ARHGEF37: variants seen among roughly 807,000 people sequenced by gnomAD.
ARHGEF37 encodes the protein Rho guanine nucleotide exchange factor (GEF) 37.
In ARHGEF37, 55 loss-of-function variants were observed where a neutral mutation model predicts 71.1. That is an observed-to-expected ratio of 0.77 (90% confidence interval 0.62 to 0.97). The LOEUF (loss-of-function observed/expected upper bound fraction) is 0.97, where lower values mean the gene tolerates loss of function less well. ARHGEF37 is among the 50% of genes least tolerant of loss of function. The pLI is 0.00. For synonymous variants in ARHGEF37, 327 were observed against 350.6 expected, an observed-to-expected ratio of 0.93 and a Z score of 0.75; for missense variants, 765 against 836.8, an observed-to-expected ratio of 0.91 and a Z score of 1.06.
chr5:149,627,957 A>G lies in ARHGEF37; in HGVS notation c.1660+686A>G, dbSNP rs530013066. Among the ~76,000 whole-genome samples the G allele has an allele frequency of 5.3e-5, 8 of 152,358 alleles. No homozygotes were observed. In the East Asian group the frequency reaches 1.5e-3, roughly 29 times the overall value. On this transcript the variant is annotated intron_variant, in intron 11 of 12. Transcript: ENST00000333677. Reference sequence around the variant, plus strand: ...AGCATTTTAATGTGTATTAGAAAAAATATAAGTAGTCCATAATTCCATGAT... The same window carrying G: ...AGCATTTTAATGTGTATTAGAAAAAGTATAAGTAGTCCATAATTCCATGAT...
At chr5:149,593,468 T>A (rs906710693) in intron 1 of ARHGEF37, among the ~76,000 whole-genome samples, 45 of 152,242 alleles carry the variant, frequency 3.0e-4, no homozygotes, top group Non-Finnish European at 1.6e-4. Flanking sequence ...ATAATGTTTT[T>A]AAGATTCATT....
intron 3 of ARHGEF37, among the ~76,000 whole-genome samples, chr5:149,609,256 A>G (rs546481827): frequency 6.6e-6 from 1 of 152,336 alleles, no homozygotes; most frequent in East Asian, 1.9e-4. Context: ...CACTGTCCAA[A>G]TGTGAGCATT....
At chr5:149,590,184 CAGAAG>C (rs144564105) in intron 1 of ARHGEF37, among the ~76,000 whole-genome samples, 40,276 of 151,668 alleles carry the variant, frequency 0.27, 5,990 homozygotes, top group Admixed American at 0.42. Context: ...CCAGTGTGAA[CAGAAG>C]AGAAGAGAGA....
intron 1 of ARHGEF37, among the ~76,000 whole-genome samples, chr5:149,564,738 C>T (rs560283816): frequency 2.6e-5 from 4 of 152,212 alleles, no homozygotes; most frequent in South Asian, 2.1e-4. Context: ...GCAGGAGAAT[C>T]GCCTGAACCC....
At chr5:149,608,730 C>T (rs1763986902) in intron 3 of ARHGEF37, among the ~76,000 whole-genome samples, 1 of 152,092 alleles carries the variant, frequency 6.6e-6, no homozygotes, top group Non-Finnish European at 1.5e-5. Context: ...AGGAGTGAAA[C>T]ACTTGCCTCA....
chr5:149,593,351 A>G (rs1051888840), intron 1 of ARHGEF37, among the ~76,000 whole-genome samples: 9 of 152,240 alleles, frequency 5.9e-5, no homozygotes, highest in African/African-American at 9.6e-5. Flanking sequence ...GGCAATTGCC[A>G]ATCTTTCTGT....
intron 3 of ARHGEF37, among the ~76,000 whole-genome samples, chr5:149,603,738 T>C (rs1763827346): frequency 6.6e-6 from 1 of 151,968 alleles, no homozygotes; most frequent in Non-Finnish European, 1.5e-5. Context: ...GAGTTCGAGA[T>C]CACCCAGGCC....
At chr5:149,623,954 C>A in intron 9 of ARHGEF37, 58 bp from the exon 10 acceptor site, 1 of 1,535,612 alleles carries the variant, frequency 6.5e-7, no homozygotes, top group Non-Finnish European at 8.8e-7. Context: ...CAAAGCAAGC[C>A]AGGGATCTCA....
chr5:149,589,267 A>G (rs1234167997), intron 1 of ARHGEF37, among the ~76,000 whole-genome samples: 1 of 151,966 alleles, frequency 6.6e-6, no homozygotes, highest in Non-Finnish European at 1.5e-5. Flanking sequence ...AATAATCAGG[A>G]TGCCCATATC....
chr5:149,620,796 A>G (rs1752519249), intron 8 of ARHGEF37, among the ~76,000 whole-genome samples: 2 of 147,388 alleles, frequency 1.4e-5, no homozygotes, highest in Admixed American at 1.4e-4. Context: ...ATGCCACCGC[A>G]CTCCAGCCCG....
intron 4 of ARHGEF37, among the ~76,000 whole-genome samples, chr5:149,610,194 A>G (rs767194379): frequency 1.3e-5 from 2 of 152,234 alleles, no homozygotes; most frequent in Non-Finnish European, 2.9e-5. Flanking sequence ...GTTTGGGAAC[A>G]GTGCTCATGA....
intron 1 of ARHGEF37, among the ~76,000 whole-genome samples, chr5:149,571,923 AAAAG>A (rs1249935724): frequency 2.4e-4 from 37 of 151,094 alleles, no homozygotes; most frequent in African/African-American, 7.3e-4. Flanking sequence ...AAAAAAAAAA[AAAAG>A]AAGTTGACAA....
rs749040354 is a variant in ARHGEF37, at chr5:149,620,374, G to A, written c.915G>A (p.Pro305=). The A allele has an allele frequency of 9.9e-6, 16 of 1,610,928 alleles. No individual in the cohort carries two copies. In the East Asian group the frequency reaches 1.6e-4, roughly 16 times the overall value. ...DNLQAFLYFR[P]HEYNLDIPEG... ...TCCAGGCTTTCCTCTACTTCAGGCC[G>A]CACGAATACAATCTGGACATCCCCG... The change falls in exon 8 of 13, where the codon CCG becomes CCA. Residue 305 remains proline, a synonymous_variant. Coordinates refer to ENST00000333677, the MANE Select transcript of ARHGEF37 (RefSeq NM_001001669.3).
chr5:149,561,582 A>G (rs77616515), intron 1 of ARHGEF37, among the ~76,000 whole-genome samples: 2,315 of 152,340 alleles, frequency 0.015, 45 homozygotes, highest in East Asian at 0.043. Flanking sequence ...CAAGTCATCA[A>G]TGTTCCATCT....
At chr5:149,588,350 G>A (rs2113280381) in intron 1 of ARHGEF37, among the ~76,000 whole-genome samples, 1 of 152,232 alleles carries the variant, frequency 6.6e-6, no homozygotes, top group East Asian at 1.9e-4. Context: ...AGGCTGGAGT[G>A]CAGTGGCATG....
At chr5:149,564,575 A>G (rs1762876431) in intron 1 of ARHGEF37, among the ~76,000 whole-genome samples, 1 of 152,194 alleles carries the variant, frequency 6.6e-6, no homozygotes, top group Non-Finnish European at 1.5e-5. Flanking sequence ...CTGTAATTCC[A>G]GCACTTTGGG....
Position 149,618,995 on chromosome 5 carries a change from G to T in ARHGEF37, c.847G>T (p.Val283Leu), listed in dbSNP as rs762610623. Residue 283 changes from valine (V) to leucine (L), a missense_variant, in exon 7 of 13, where the codon GTG becomes TTG. By Grantham distance (32) the Val-to-Leu change is conservative (BLOSUM62 1). Around this residue, in one of 5 missense-constraint regions of ARHGEF37, gnomAD observed 167 missense variants for 173.3 expected, o/e 0.96. Transcript: ENST00000333677. The stretch of plus-strand genomic sequence containing the variant: ...GAGGTTCCAGTGGGTGTCTCTGTGT[G>T]TGACTGAGCTGAAGAACAACGTGGC... ...EERFQWVSLC[V>L]TELKNNVAAY... The T allele has an allele frequency of 6.2e-7, 1 of 1,614,236 alleles. No homozygotes were observed. The highest frequency in any genetic ancestry group is 1.3e-5 in the African/African-American group (1 of 75,056).
intron 8 of ARHGEF37, 135 bp from the exon 9 acceptor site, chr5:149,621,598 T>G (rs1413738060): frequency 1.3e-6 from 1 of 793,668 alleles, no homozygotes; most frequent in African/African-American, 1.7e-5. Flanking sequence ...AGAAGTTAGA[T>G]AACATGCTAA....
In ARHGEF37 at chr5:149,618,317, G is replaced by A. The variant is rs746765630; in HGVS notation, c.789+11G>A. 2.1e-5 allele frequency: 34 copies of A among 1,613,836 alleles called. No homozygotes were observed. Among genetic ancestry groups the A allele is most frequent in the South Asian group, 5.5e-5 (5 of 91,062 alleles). Reference sequence around the variant, plus strand: ...GGGCTGATCCCCAGGGTGAGCGTGCGCCTGGGAGGAAGAGTCACATCCAGC... The same window carrying A: ...GGGCTGATCCCCAGGGTGAGCGTGCACCTGGGAGGAAGAGTCACATCCAGC... On this transcript the variant is annotated intron_variant, in intron 6 of 12. Transcript: ENST00000333677.
Sources: allele counts gnomAD v4.1 joint callset (sites outside exome capture counted in the v4.1 genomes callset), GRCh38; gene constraint gnomAD v4.1.1; regional missense constraint gnomAD v4.1.1; transcripts MANE v1.5; gene names NCBI Gene and HGNC (gene_info 2026-07-23, HGNC 2026-07-21).